WNT8A: variants seen among roughly 807,000 people sequenced by gnomAD.
WNT8A encodes Wnt family member 8A, also known as protein Wnt-8a.
WNT8A carries 14 observed loss-of-function variants against 20.5 expected under a neutral mutation model. That is an observed-to-expected ratio of 0.68 (90% CI 0.45 to 1.07). The LOEUF (loss-of-function observed/expected upper bound fraction) is 1.07, where lower values mean the gene tolerates loss of function less well. Ranked by LOEUF, WNT8A falls within the 50% of genes least tolerant of loss-of-function variation. The pLI is 0.00. For synonymous variants in WNT8A, 167 were observed against 169.2 expected (o/e 0.99, Z 0.10); for missense variants, 397 against 462.9 (o/e 0.86, Z 1.31).
In WNT8A at chr5:138,088,976, G is replaced by C; in HGVS notation, c.471G>C (p.Gly157=). The C allele has an allele frequency of 6.2e-7, 1 of 1,613,946 alleles. No individual in the cohort carries two copies. The change falls in exon 4 of 5, where the codon GGG becomes GGC. Residue 157 remains glycine, a synonymous_variant. Coordinates refer to ENST00000506684, the MANE Select transcript of WNT8A (RefSeq NM_001300939.2). ...WGGCSDNVEF[G]ERISKLFVDS... ...GCTGCAGCGACAATGTGGAATTTGG[G>C]GAAAGGATCTCCAAACTCTTTGTGG...
chr5:138,088,292 A>G (rs1750735758), intron 3 of WNT8A, among the ~76,000 whole-genome samples: 1 of 152,044 alleles, frequency 6.6e-6, no homozygotes, highest in Admixed American at 6.6e-5. Flanking sequence ...TGAAGGAGGT[A>G]GTAGCCTTTA....
chr5:138,088,388 G>A (rs1033355517), intron 3 of WNT8A, among the ~76,000 whole-genome samples: 8 of 142,590 alleles, frequency 5.6e-5, no homozygotes, highest in South Asian at 2.2e-4. Context: ...ATGGAGTCTC[G>A]CTCTGTCGAC....
the WNT8A span, among the ~76,000 whole-genome samples, chr5:138,078,410 G>A: frequency 6.6e-6 from 1 of 152,114 alleles, no homozygotes; most frequent in Non-Finnish European, 1.5e-5. Context: ...CTCCCTCTCA[G>A]CTCTTCTGCA....
chr5:138,083,658 C>T (rs1419781838), upstream of WNT8A, among the ~76,000 whole-genome samples: 1 of 152,176 alleles, frequency 6.6e-6, no homozygotes, highest in East Asian at 1.9e-4. Flanking sequence ...TGGGCTCTCA[C>T]TGACAGATGA....
Position 138,091,179 on chromosome 5 carries a change from G to A in WNT8A, c.*106G>A, listed in dbSNP as rs1351450302. 1.4e-5 allele frequency: 21 copies of A among 1,540,578 alleles called. No individual in the cohort carries two copies. Among genetic ancestry groups the A allele is most frequent in the Admixed American group, 1.9e-5 (1 of 51,608 alleles). On this transcript the variant is annotated 3_prime_UTR_variant, in exon 5 of 5. Transcript: ENST00000506684. Reference sequence around the variant, plus strand: ...AAGCAATCGGAAAATTGCAGTTTTGGTCTGTAGTCCTCATGATATCTGCTA... The same window carrying A: ...AAGCAATCGGAAAATTGCAGTTTTGATCTGTAGTCCTCATGATATCTGCTA...
At position 138,089,054 on chromosome 5, in the gene WNT8A, C is replaced by T. The variant is rs1454453694; in HGVS notation, c.549C>T (p.Asn183=). Residue 183 remains asparagine (N), a synonymous_variant, in exon 4 of 5, where the codon AAC becomes AAT. Transcript: ENST00000506684. ...GAGCCCTGATGAATCTTCACAACAA[C>T]AGGGCCGGCAGACTGGTGGGTATAG... The part of the protein sequence containing the change: ...DARALMNLHN[N]RAGRLAVRAT... 5 of 1,613,376 alleles carry T rather than the reference C, an allele frequency of 3.1e-6. No individual in the cohort carries two copies. Among genetic ancestry groups the T allele is most frequent in the Non-Finnish European group, 4.2e-6 (5 of 1,179,884 alleles).
chr5:138,090,166 G>T (rs949048890), intron 4 of WNT8A, among the ~76,000 whole-genome samples: 1 of 152,154 alleles, frequency 6.6e-6, no homozygotes, highest in Non-Finnish European at 1.5e-5. Context: ...GTACTTCCTT[G>T]ATTATTATTA....
At chr5:138,081,435 C>A (rs1750509789), upstream of WNT8A, among the ~76,000 whole-genome samples, 1 of 152,092 alleles carries the variant, frequency 6.6e-6, no homozygotes, top group Non-Finnish European at 1.5e-5. Context: ...AGCGGAGTCA[C>A]TCCTAAAACT....
chr5:138,087,675 G>C, intron 2 of WNT8A, 131 bp from the exon 3 acceptor site: 1 of 187,290 alleles, frequency 5.3e-6, no homozygotes, highest in Non-Finnish European at 9.4e-6. Context: ...AAAAAAAAAA[G>C]AAAGAAAAGC....
Position 138,091,497 on chromosome 5 carries a change from T to G in WNT8A, c.*424T>G, listed in dbSNP as rs1319788016. ...AAAAACGAAAGAGTTCTGTTCAGAC[T>G]TCTGAAGAGCAGCCTGTGGCTACAA... On this transcript the variant is annotated 3_prime_UTR_variant, in exon 5 of 5. Transcript: ENST00000506684. 1 of 1,343,436 alleles carries G rather than the reference T, an allele frequency of 7.4e-7. No homozygotes were observed. 83.2% of individuals were successfully genotyped at this position (1,343,436 alleles called of 1,614,324 possible). A position where few individuals can be genotyped will look rare whatever the true frequency, so the allele number is the denominator to read the frequency against.
At chr5:138,087,393 G>A (rs931890625) in intron 2 of WNT8A, among the ~76,000 whole-genome samples, 1 of 151,268 alleles carries the variant, frequency 6.6e-6, no homozygotes, top group Non-Finnish European at 1.5e-5. Context: ...AGTGGTTCAC[G>A]CCTGTAATCC....
intron 4 of WNT8A, among the ~76,000 whole-genome samples, chr5:138,089,937 T>C (rs1433402275): frequency 6.6e-6 from 1 of 152,164 alleles, no homozygotes; most frequent in Non-Finnish European, 1.5e-5. Flanking sequence ...CTTGGAATTA[T>C]AGGCATGAGC....
chr5:138,084,365 G>C (rs1750591571), intron 1 of WNT8A, 82 bp downstream of exon 1: 6 of 1,567,668 alleles, frequency 3.8e-6, no homozygotes. Flanking sequence ...CGGGGACAGT[G>C]CCAGAGCCCC....
chr5:138,086,249 A>C (rs1750658217), intron 2 of WNT8A, among the ~76,000 whole-genome samples: 1 of 151,970 alleles, frequency 6.6e-6, no homozygotes, highest in Non-Finnish European at 1.5e-5. Context: ...ACAGGGTTTC[A>C]CTTTTTTACC....
upstream of WNT8A, among the ~76,000 whole-genome samples, chr5:138,081,982 T>C (rs925334750): frequency 2.6e-5 from 4 of 152,170 alleles, no homozygotes; most frequent in Non-Finnish European, 4.4e-5. Context: ...GGAACTCCTT[T>C]GGTGGGGGGA....
intron 2 of WNT8A, among the ~76,000 whole-genome samples, chr5:138,086,438 G>T (rs1425614905): frequency 1.3e-5 from 2 of 151,584 alleles, no homozygotes; most frequent in African/African-American, 4.8e-5. Context: ...GGCTGGTCTC[G>T]AACTCCTGAG....
At chr5:138,090,435 GT>G in intron 4 of WNT8A, 92 bp from the exon 5 acceptor site, 1 of 1,198,716 alleles carries the variant, frequency 8.3e-7, no homozygotes, top group South Asian at 1.5e-5. Flanking sequence ...CTCCTTTAAA[GT>G]CAAGAAACAC....
upstream of WNT8A, among the ~76,000 whole-genome samples, chr5:138,081,225 CAAAAAA>C (rs57340449): frequency 8.2e-6 from 1 of 122,254 alleles, no homozygotes; most frequent in Non-Finnish European, 1.8e-5. Context: ...GACTCTGTCT[CAAAAAA>C]AAAAAAAAAA....
At chr5:138,083,981 T>C, upstream of WNT8A, 1 of 1,068,942 alleles carries the variant, frequency 9.4e-7, no homozygotes, top group Non-Finnish European at 1.3e-6. Flanking sequence ...ATTTCCTCCC[T>C]TGGACATTCA....
Sources: allele counts gnomAD v4.1 joint callset (sites outside exome capture counted in the v4.1 genomes callset), GRCh38; gene constraint gnomAD v4.1.1; transcripts MANE v1.5; gene names NCBI Gene and HGNC (gene_info 2026-07-23, HGNC 2026-07-21).